The following FLYWCH1 variants were observed in gnomAD, a reference collection of about 807,000 sequenced individuals.
FLYWCH1 encodes FLYWCH-type zinc finger 1.
In FLYWCH1, 75 loss-of-function variants were observed where a neutral mutation model predicts 66.4. The ratio of observed to expected loss-of-function variants is 1.13; its 90% CI spans 0.94 to 1.37. The LOEUF is 1.37. FLYWCH1 is among the 40% of genes most tolerant of loss of function. The pLI is 0.00. For missense variants in FLYWCH1, 1,334 were observed against 1,001.8 expected (o/e 1.33, Z -4.48); for synonymous variants, 595 against 429.9 (o/e 1.38, Z -4.75).
At chr16:2,936,403 A>G (rs1596384282) in intron 6 of FLYWCH1, 1 of 455,498 alleles carries the variant, frequency 2.2e-6, no homozygotes. Flanking sequence ...GCCCCTGCCC[A>G]GCCCTCTCCA....
At chr16:2,929,535 CCCCACCTCCCT>C (rs1181355634) in intron 2 of FLYWCH1, 67 bp from the exon 3 acceptor site, 5 of 1,038,964 alleles carry the variant, frequency 4.8e-6, no homozygotes, top group Non-Finnish European at 6.8e-6. Flanking sequence ...GCCCCATCTG[CCCCACCTCCCT>C]CCCAGATCCA....
intron 9 of FLYWCH1, among the ~76,000 whole-genome samples, chr16:2,943,755 G>A (rs2071366276): frequency 6.6e-6 from 1 of 152,016 alleles, no homozygotes; most frequent in African/African-American, 2.4e-5. Flanking sequence ...GGCCAACATA[G>A]TGAAACTCTG....
At chr16:2,945,655 T>C (rs2071449986) in intron 9 of FLYWCH1, among the ~76,000 whole-genome samples, 1 of 147,200 alleles carries the variant, frequency 6.8e-6, no homozygotes. Context: ...AAAAATACTG[T>C]CTCAAAAAAT....
intron 2 of FLYWCH1, among the ~76,000 whole-genome samples, chr16:2,927,124 C>T (rs889944633): frequency 6.6e-6 from 1 of 152,186 alleles, no homozygotes; most frequent in African/African-American, 2.4e-5. Context: ...CCAAATTGCA[C>T]GGCATCGTAC....
intron 2 of FLYWCH1, among the ~76,000 whole-genome samples, chr16:2,924,685 C>G (rs988025045): frequency 2.0e-5 from 3 of 152,194 alleles, no homozygotes; most frequent in African/African-American, 7.2e-5. Context: ...AGTCAAGGTT[C>G]AGGCAGGTGG....
intron 4 of FLYWCH1, among the ~76,000 whole-genome samples, chr16:2,932,084 C>T (rs1206056306): frequency 2.7e-5 from 4 of 146,216 alleles, no homozygotes; most frequent in East Asian, 3.9e-4. Flanking sequence ...TGCCACCGCA[C>T]TCCAGCCTGG....
rs1272251986 is a variant in FLYWCH1 at position 2,937,035 on chromosome 16, GT to G, written c.1514-84del. On this transcript the variant is annotated intron_variant, in intron 6 of 9. Transcript: ENST00000253928. ...CTCACTGTGAGGAGGAGGTGTGGGC[GT>G]TGTGGGAGGTCTCATCTCGGGGCCA... 15 of 1,225,080 alleles carry G rather than the reference GT, an allele frequency of 1.2e-5. No individual in the cohort carries two copies. In the African/African-American group the frequency reaches 2.6e-4, roughly 21 times the overall value. 75.9% of individuals were successfully genotyped at this position (1,225,080 alleles called of 1,614,324 possible).
chr16:2,924,845 G>A (rs1030699968), intron 2 of FLYWCH1, among the ~76,000 whole-genome samples: 3 of 152,168 alleles, frequency 2.0e-5, no homozygotes, highest in Non-Finnish European at 4.4e-5. Context: ...TTCTTGTATT[G>A]GAACTTTTTC....
chr16:2,923,002 G>A (rs929337993), intron 2 of FLYWCH1: 4 of 486,524 alleles, frequency 8.2e-6, no homozygotes, highest in East Asian at 5.5e-5. Flanking sequence ...CGGGTGACGC[G>A]CGGATCTTTT....
rs1422106144 is a variant in FLYWCH1 at position 2,934,751 on chromosome 16, A to G, written c.1513+772A>G. 1.8e-5 allele frequency: 8 copies of G among 440,608 alleles called. No homozygotes were observed. The East Asian group carries it at 3.5e-4, about 19-fold the overall frequency. The allele number at this position is 440,608 out of a possible 1,614,324, so 27.3% of individuals were successfully genotyped here. A position where few individuals can be genotyped will look rare whatever the true frequency, so the allele number is the denominator to read the frequency against. On this transcript the variant is annotated intron_variant, in intron 6 of 9. Transcript: ENST00000253928. ...CTTTTTGTTCCATCTCCAGAGAGAC[A>G]GTGCTGCGAGGTCCCCGCCTCGTCC... is the stretch of plus-strand genomic sequence containing the variant.
Position 2,923,914 on chromosome 16 carries a change from C to G in FLYWCH1, c.-73-5699C>G, listed in dbSNP as rs562784541. 1.0e-3 allele frequency among the ~76,000 whole-genome samples: 158 copies of G among 152,228 alleles called. 1 individual carries two copies. Among genetic ancestry groups the G allele is most frequent in the Middle Eastern group, 6.8e-3 (2 of 294 alleles). On this transcript the variant is annotated intron_variant, in intron 2 of 9. Transcript: ENST00000253928. ...ATTAGCCAGGCATGTTGGCGGGCAC[C>G]TGTAATCGCAGCTACTTGGGAGTCT... is the stretch of plus-strand genomic sequence containing the variant.
intron 2 of FLYWCH1, chr16:2,922,752 G>T (rs575039001): frequency 1.9e-6 from 1 of 513,436 alleles, no homozygotes; most frequent in Admixed American, 2.0e-5. Flanking sequence ...CCCAATCAGG[G>T]TATTGACCTG....
At chr16:2,938,481 G>T (rs748290603) in intron 8 of FLYWCH1, 25 bp downstream of exon 8, 23 of 1,505,116 alleles carry the variant, frequency 1.5e-5, no homozygotes, top group Non-Finnish European at 1.8e-6. Context: ...TGGGGCAGAG[G>T]CAGGGCTGTG....
At position 2,930,773 on chromosome 16, in the gene FLYWCH1, C is replaced by T. The variant is rs751694671; in HGVS notation, c.689C>T (p.Pro230Leu). Reference protein sequence around the residue: ...GPWQCPEEPEPTPGLVLSKPA... With the variant: ...GPWQCPEEPELTPGLVLSKPA... The stretch of plus-strand genomic sequence containing the variant: ...TGGCAGTGCCCTGAGGAGCCCGAGC[C>T]CACTCCTGGGCTGGTGCTGAGCAAG... The change falls in exon 4 of 10, where the codon CCC (proline) becomes CTC (leucine). Residue 230 changes from proline to leucine, a missense_variant. Coordinates refer to ENST00000253928, the MANE Select transcript of FLYWCH1 (RefSeq NM_001308068.2). The T allele has an allele frequency of 2.5e-6, 4 of 1,585,848 alleles. No individual in the cohort carries two copies. The highest frequency in any genetic ancestry group is 3.4e-6 in the Non-Finnish European group (4 of 1,171,180).
intron 2 of FLYWCH1, among the ~76,000 whole-genome samples, chr16:2,926,977 A>G (rs552364851): frequency 1.3e-5 from 2 of 152,336 alleles, no homozygotes; most frequent in South Asian, 4.1e-4. Context: ...ATGCCAATCC[A>G]GATACAGTAT....
At chr16:2,933,624 T>A in intron 5 of FLYWCH1, 42 bp downstream of exon 5, 1 of 1,563,658 alleles carries the variant, frequency 6.4e-7, no homozygotes, top group Non-Finnish European at 8.7e-7. Context: ...CTGCCTTGAC[T>A]CTTGCCTCCA....
At chr16:2,922,954 CT>C in intron 2 of FLYWCH1, 1 of 523,448 alleles carries the variant, frequency 1.9e-6, no homozygotes, top group South Asian at 1.4e-5. Flanking sequence ...GATATTTGGG[CT>C]GCCTCCGGAG....
At chr16:2,918,335 G>C (rs1429522362) in intron 2 of FLYWCH1, among the ~76,000 whole-genome samples, 1 of 151,982 alleles carries the variant, frequency 6.6e-6, no homozygotes, top group Non-Finnish European at 1.5e-5. Flanking sequence ...TTTTAGTAGA[G>C]ACGGGGTTTC....
At chr16:2,940,804 C>T (rs1477594235) in intron 9 of FLYWCH1, among the ~76,000 whole-genome samples, 1 of 152,066 alleles carries the variant, frequency 6.6e-6, no homozygotes, top group Non-Finnish European at 1.5e-5. Context: ...TCAGTCCTTT[C>T]ACGGCTGGAT....
Sources: gnomAD v4.1 joint callset for allele counts (sites outside exome capture counted in the v4.1 genomes callset) on GRCh38, gnomAD v4.1.1 for gene constraint, MANE v1.5 for transcripts, NCBI Gene and HGNC (gene_info 2026-07-23, HGNC 2026-07-21) for gene names.